Variants in GSE1 observed in about 807,000 individuals in gnomAD.
The protein encoded by GSE1 is Gse1 coiled-coil protein.
In GSE1, 32 loss-of-function variants were observed where a neutral mutation model predicts 112.6. That is an observed-to-expected ratio of 0.28 (90% CI 0.21 to 0.38). GSE1 has a LOEUF of 0.38. Among genes scored for constraint, GSE1 ranks in the 10% least tolerant of loss-of-function variants. The pLI, the probability that GSE1 is intolerant of heterozygous loss-of-function variation, is 1.00. For synonymous variants in GSE1, 1,115 were observed against 735.6 expected, an observed-to-expected ratio of 1.52 and a Z score of -8.35; for missense variants, 2,348 against 1,699.2, an observed-to-expected ratio of 1.38 and a Z score of -6.71.
intron 2 of GSE1, among the ~76,000 whole-genome samples, chr16:85,526,786 G>T (rs752364207): frequency 6.6e-6 from 1 of 152,182 alleles, no homozygotes; most frequent in Non-Finnish European, 1.5e-5. Context: ...TCTTACAGGC[G>T]ACCAGAGCCG....
chr16:85,613,269 C>T (rs1472903288), upstream of GSE1: 4 of 1,533,504 alleles, frequency 2.6e-6, no homozygotes, highest in East Asian at 5.2e-5. Context: ...GGAAGCTCCA[C>T]CTCCCCAGCG....
intron 2 of GSE1, among the ~76,000 whole-genome samples, chr16:85,367,013 G>A (rs147610460): frequency 3.3e-4 from 51 of 152,316 alleles, no homozygotes; most frequent in African/African-American, 8.7e-4. Flanking sequence ...GGCACAGACC[G>A]TCTCTGCAGG....
chr16:85,652,577 A>T (rs991315457), intron 3 of GSE1, among the ~76,000 whole-genome samples: 45 of 151,310 alleles, frequency 3.0e-4, no homozygotes, highest in Admixed American at 6.6e-5. Flanking sequence ...TCCTCCAGTT[A>T]ATCCTCGCTG....
intron 6 of GSE1, 109 bp downstream of exon 6, chr16:85,656,026 C>A: frequency 1.2e-6 from 1 of 862,470 alleles, no homozygotes; most frequent in Non-Finnish European, 1.8e-6. Flanking sequence ...CATGCCTGTC[C>A]TCACAGTTTG....
intron 1 of GSE1, among the ~76,000 whole-genome samples, chr16:85,347,772 G>A (rs994388383): frequency 2.2e-5 from 3 of 136,812 alleles, no homozygotes; most frequent in Admixed American, 7.2e-5. Flanking sequence ...TAGTGGCTGC[G>A]GGCATTGCAA....
chr16:85,534,061 A>T (rs1193351582), intron 2 of GSE1, among the ~76,000 whole-genome samples: 1 of 151,532 alleles, frequency 6.6e-6, no homozygotes, highest in African/African-American at 2.4e-5. Flanking sequence ...TCTCTCCACC[A>T]CAGCCAAGCC....
At chr16:85,243,328 G>T (rs975052639) in intron 1 of GSE1, among the ~76,000 whole-genome samples, 1 of 152,262 alleles carries the variant, frequency 6.6e-6, no homozygotes, top group African/African-American at 2.4e-5. Flanking sequence ...GGCTACAGGG[G>T]AGAATCTCTT....
chr16:85,639,731 A>T (rs1278387474), intron 2 of GSE1, among the ~76,000 whole-genome samples: 1 of 152,228 alleles, frequency 6.6e-6, no homozygotes, highest in Admixed American at 6.5e-5. Flanking sequence ...TGCAGAGGGC[A>T]GGCCGTGGAG....
chr16:85,656,794 T>C (rs2151936256), intron 7 of GSE1, 129 bp downstream of exon 7: 3 of 1,313,636 alleles, frequency 2.3e-6, no homozygotes, highest in East Asian at 2.5e-5. Context: ...AAAAGCGTGG[T>C]GTGGCTGAAC....
rs1200656179 is a variant in GSE1 at position 85,452,337 on chromosome 16, C to T, written c.2464+94694C>T. Among the ~76,000 whole-genome samples the T allele has an allele frequency of 3.3e-5, 5 of 152,232 alleles. No individual in the cohort carries two copies. The East Asian group carries it at 7.7e-4, about 23-fold the overall frequency. On this transcript the variant is annotated intron_variant, in intron 2 of 2. Coordinates refer to the GSE1 transcript ENST00000637419. ...CGTGCCAGTGGGCCCCGGTAATTAA[C>T]AGCGGGTGCTGAGCCTGTGTGTTCC...
chr16:85,607,076 G>GCT (rs1228095449), upstream of GSE1, among the ~76,000 whole-genome samples: 101 of 141,902 alleles, frequency 7.1e-4, no homozygotes, highest in African/African-American at 2.4e-3. Flanking sequence ...GGGGGGGGCG[G>GCT]GAGGGAGGAG....
intron 2 of GSE1, among the ~76,000 whole-genome samples, chr16:85,367,761 T>G (rs970033904): frequency 6.6e-6 from 1 of 152,156 alleles, no homozygotes; most frequent in East Asian, 1.9e-4. Flanking sequence ...AGTAAACTTT[T>G]GTTGAGTGAA....
rs375223873 is a variant in GSE1 at position 85,429,266 on chromosome 16, C to T, written c.2464+71623C>T. Among the ~76,000 whole-genome samples the T allele has an allele frequency of 1.3e-4, 20 of 152,318 alleles. No homozygotes were observed. The East Asian group carries it at 3.1e-3, about 24-fold the overall frequency. ...GGATGCCCGGCAATGCCAGGTGCCA[C>T]GGTCACATTCTGTGTGGCATGCATC... On this transcript the variant is annotated intron_variant, in intron 2 of 2. Transcript: ENST00000637419.
chr16:85,568,911 T>C (rs1359289559), intron 1 of GSE1, among the ~76,000 whole-genome samples: 1 of 152,156 alleles, frequency 6.6e-6, no homozygotes, highest in East Asian at 1.9e-4. Flanking sequence ...AAGCTCCCAC[T>C]TCTCTGCCTC....
chr16:85,301,403 G>A (rs978723783), intron 1 of GSE1, among the ~76,000 whole-genome samples: 1 of 152,180 alleles, frequency 6.6e-6, no homozygotes, highest in African/African-American at 2.4e-5. Context: ...ATGATGGAAG[G>A]TTTCCAGGAA....
At chr16:85,589,090 G>A (rs747471805) in intron 1 of GSE1, among the ~76,000 whole-genome samples, 21 of 151,904 alleles carry the variant, frequency 1.4e-4, no homozygotes, top group East Asian at 1.9e-4. Flanking sequence ...CGGGATCCCC[G>A]TGTACCCGCC....
intron 1 of GSE1, among the ~76,000 whole-genome samples, chr16:85,625,886 G>C (rs1354661805): frequency 2.0e-5 from 3 of 152,184 alleles, no homozygotes; most frequent in Admixed American, 1.3e-4. Context: ...GCAGAGGACA[G>C]GTCTACACGG....
At chr16:85,399,280 C>T (rs1346222957) in intron 2 of GSE1, among the ~76,000 whole-genome samples, 1 of 151,642 alleles carries the variant, frequency 6.6e-6, no homozygotes. Flanking sequence ...GTCTGCTGGG[C>T]CCCCCCAGCA....
chr16:85,620,109 C>T (rs1406919399), intron 1 of GSE1, among the ~76,000 whole-genome samples: 1 of 152,002 alleles, frequency 6.6e-6, no homozygotes, highest in East Asian at 1.9e-4. Flanking sequence ...CTCCTCTCTA[C>T]AAAAAATAAA....
Sources: gnomAD v4.1 joint callset for allele counts (sites outside exome capture counted in the v4.1 genomes callset) on GRCh38, gnomAD v4.1.1 for gene constraint, MANE v1.5 for transcripts, NCBI Gene and HGNC (gene_info 2026-07-23, HGNC 2026-07-21) for gene names.